The following UNC79 variants were observed in gnomAD, a reference collection of about 807,000 sequenced individuals.
UNC79 encodes the protein protein unc-79 homolog.
In UNC79, 37 loss-of-function variants were observed where a neutral mutation model predicts 283.1. The ratio of observed to expected loss-of-function variants is 0.13; its 90% CI spans 0.10 to 0.17. The LOEUF (loss-of-function observed/expected upper bound fraction) is 0.17. Among genes scored for constraint, UNC79 ranks in the 10% least tolerant of loss-of-function variants. The probability of loss-of-function intolerance (pLI) is 1.00; values close to 1 mark genes in which losing one functional copy is unlikely to be tolerated. For missense variants in UNC79, 2,272 were observed against 3,211.1 expected (o/e 0.71, Z 7.07); for synonymous variants, 1,107 against 1,200.2 (o/e 0.92, Z 1.61).
intron 22 of UNC79, among the ~76,000 whole-genome samples, chr14:93,592,443 G>T (rs2064765238): frequency 6.6e-6 from 1 of 151,944 alleles, no homozygotes; most frequent in South Asian, 2.1e-4. Context: ...CAAAGTGCTG[G>T]GATTACAGGC....
At chr14:93,680,295 T>C (rs1369364155) in intron 41 of UNC79, among the ~76,000 whole-genome samples, 1 of 152,144 alleles carries the variant, frequency 6.6e-6, no homozygotes, top group Non-Finnish European at 1.5e-5. Context: ...GATACAGACA[T>C]TTAAAATTTT....
At chr14:93,501,656 A>C (rs8018588) in intron 7 of UNC79, among the ~76,000 whole-genome samples, 151,941 of 151,958 alleles carry the variant, frequency 1, 75,962 homozygotes, top group Non-Finnish European at 1. Context: ...CCACTGCACT[A>C]CATCCTGGCA....
chr14:93,341,463 GAA>G (rs945109031), intron 1 of UNC79, among the ~76,000 whole-genome samples: 6 of 151,206 alleles, frequency 4.0e-5, no homozygotes, highest in Non-Finnish European at 3.0e-5. Context: ...GTCTCAAAAA[GAA>G]AAAAAATGAT....
intron 41 of UNC79, among the ~76,000 whole-genome samples, chr14:93,676,321 A>C (rs1001430449): frequency 7.2e-5 from 11 of 152,132 alleles, no homozygotes; most frequent in African/African-American, 2.7e-4. Flanking sequence ...TCGCCTCTCA[A>C]GGTGCTGGGA....
intron 1 of UNC79, among the ~76,000 whole-genome samples, chr14:93,457,571 G>A (rs2056831537): frequency 6.6e-6 from 1 of 152,248 alleles, no homozygotes; most frequent in African/African-American, 2.4e-5. Context: ...TGACTGAAGT[G>A]TGGGACACAA....
At chr14:93,515,346 G>A (rs967810026) in intron 7 of UNC79, among the ~76,000 whole-genome samples, 3 of 151,566 alleles carry the variant, frequency 2.0e-5, no homozygotes, top group Admixed American at 6.6e-5. Context: ...AACATATTAA[G>A]CATAATTATT....
At chr14:93,579,139 A>G (rs1426928066) in intron 18 of UNC79, among the ~76,000 whole-genome samples, 2 of 152,176 alleles carry the variant, frequency 1.3e-5, no homozygotes, top group Non-Finnish European at 2.9e-5. Context: ...CAGGAAGACC[A>G]CAGATGTGAT....
At chr14:93,344,659 C>CT (rs2053785922) in intron 1 of UNC79, among the ~76,000 whole-genome samples, 1 of 152,220 alleles carries the variant, frequency 6.6e-6, no homozygotes, top group East Asian at 1.9e-4. Flanking sequence ...AGTGTAACAA[C>CT]TGTGGCCAGG....
intron 25 of UNC79, 101 bp downstream of exon 25, chr14:93,600,871 G>GAATT: frequency 7.4e-7 from 1 of 1,347,396 alleles, no homozygotes; most frequent in Non-Finnish European, 1.0e-6. Flanking sequence ...CTCTACAGAG[G>GAATT]ATGCCTTGAC....
At chr14:93,415,001 A>G (rs1566921158) in intron 1 of UNC79, among the ~76,000 whole-genome samples, 2 of 152,278 alleles carry the variant, frequency 1.3e-5, no homozygotes, top group Non-Finnish European at 1.5e-5. Context: ...TCCTAACTGA[A>G]TACCCTCTAT....
At chr14:93,544,176 G>A (rs1186795648) in intron 14 of UNC79, among the ~76,000 whole-genome samples, 1 of 152,094 alleles carries the variant, frequency 6.6e-6, no homozygotes, top group East Asian at 1.9e-4. Context: ...GATGTTTTGG[G>A]GCCTGCAAAT....
At chr14:93,705,298 T>G (rs1360572144) in intron 48 of UNC79, among the ~76,000 whole-genome samples, 3 of 145,878 alleles carry the variant, frequency 2.1e-5, no homozygotes, top group African/African-American at 7.7e-5. Flanking sequence ...CTGTCACTAT[T>G]TGCAGTAACA....
intron 47 of UNC79, among the ~76,000 whole-genome samples, chr14:93,698,949 A>C (rs980754110): frequency 6.6e-6 from 1 of 152,216 alleles, no homozygotes; most frequent in Non-Finnish European, 1.5e-5. Flanking sequence ...GCTATATCAA[A>C]TTACTAAATG....
chr14:93,601,862 A>G (rs906822841), intron 25 of UNC79, among the ~76,000 whole-genome samples: 3 of 152,104 alleles, frequency 2.0e-5, no homozygotes, highest in African/African-American at 4.8e-5. Flanking sequence ...AGTGATGTTG[A>G]GCATTTTTTC....
chr14:93,475,059 G>C (rs1233887441), intron 3 of UNC79, among the ~76,000 whole-genome samples: 1 of 152,180 alleles, frequency 6.6e-6, no homozygotes, highest in South Asian at 2.1e-4. Flanking sequence ...AGAAGTCTAA[G>C]AGCCTGCTTC....
rs536771594 is a variant in UNC79, at chr14:93,357,980, T to C, written c.-351+24457T>C. ...CTATATATATCCATATATATAGATA[T>C]ATATCTCTCTCCTGTTAGATCTGTC... is the stretch of plus-strand genomic sequence containing the variant. On this transcript the variant is annotated intron_variant, in intron 1 of 49. Coordinates refer to the UNC79 transcript ENST00000256339. 1.3e-4 allele frequency among the ~76,000 whole-genome samples: 18 copies of C among 139,612 alleles called. No homozygotes were observed. The East Asian group carries it at 2.6e-3, about 20-fold the overall frequency. 91.6% of individuals were successfully genotyped at this position (139,612 alleles called of 152,430 possible). A position where few individuals can be genotyped will look rare whatever the true frequency, so the allele number is the denominator to read the frequency against.
chr14:93,438,440 T>G (rs2056172878), intron 1 of UNC79, among the ~76,000 whole-genome samples: 1 of 152,176 alleles, frequency 6.6e-6, no homozygotes, highest in African/African-American at 2.4e-5. Flanking sequence ...CAACTTTTCT[T>G]TGATGCCCTG....
intron 19 of UNC79, 97 bp from the exon 20 acceptor site, chr14:93,582,106 C>T (rs1416499055): frequency 6.3e-7 from 1 of 1,589,160 alleles, no homozygotes. Context: ...GGACCCGAGA[C>T]ACAGCAGGTG....
rs1224085656 is a variant in UNC79 at position 93,617,349 on chromosome 14, A to G, written c.4224+45A>G. The G allele has an allele frequency of 1.2e-6, 2 of 1,602,144 alleles. No individual in the cohort carries two copies. The highest frequency in any genetic ancestry group is 1.7e-5 in the Admixed American group (1 of 59,274). ...CTGTTTTGGATGCAATGGTTCTCTT[A>G]GAGAGCATATAGCATTAGGAGAACA... On this transcript the variant is annotated intron_variant, in intron 28 of 48. Transcript: ENST00000555664. The surrounding 1 kb of genome is among the most constrained non-coding windows in gnomAD (Gnocchi z 4.5).
Sources: gnomAD v4.1 joint callset for allele counts (sites outside exome capture counted in the v4.1 genomes callset) on GRCh38, gnomAD v4.1.1 for gene constraint, Gnocchi (gnomAD v3.1) non-coding constraint, MANE v1.5 for transcripts, NCBI Gene and HGNC (gene_info 2026-07-23, HGNC 2026-07-21) for gene names.